Variants in DGLUCY observed in about 807,000 individuals in gnomAD.
DGLUCY encodes the protein D-glutamate cyclase, also known as D-glutamate cyclase, mitochondrial.
A neutral mutation model predicts 58.5 loss-of-function variants in DGLUCY; 58 were observed. The observed-to-expected ratio is 0.99, with a 90% confidence interval of 0.80 to 1.23. DGLUCY has a LOEUF of 1.23. Ranked by LOEUF, DGLUCY falls within the 50% of genes most tolerant of loss-of-function variation. DGLUCY has a pLI of 0.00. For missense variants in DGLUCY, 779 were observed against 784.7 expected, an observed-to-expected ratio of 0.99 and a Z score of 0.09; for synonymous variants, 325 against 314.1, an observed-to-expected ratio of 1.03 and a Z score of -0.37.
In DGLUCY at chr14:91,224,876, G is replaced by A. The variant is rs1297132907; in HGVS notation, c.*43G>A. The A allele has an allele frequency of 2.6e-6, 4 of 1,540,270 alleles. No individual in the cohort carries two copies. Among genetic ancestry groups the A allele is most frequent in the Non-Finnish European group, 3.5e-6 (4 of 1,133,132 alleles). ...GAGCAGAGTCCCTACCAACGGGCAG[G>A]TCTGCATCCGGGGAGAATGCAGCTG... On this transcript the variant is annotated 3_prime_UTR_variant, in exon 14 of 14. Coordinates refer to ENST00000256324, the MANE Select transcript of DGLUCY (RefSeq NM_001102368.3).
chr14:91,204,714 G>A lies in DGLUCY; in HGVS notation c.1453G>A (p.Asp485Asn). 6.2e-7 allele frequency: 1 copy of A among 1,614,000 alleles called. No individual in the cohort carries two copies. The highest frequency in any genetic ancestry group is 8.5e-7 in the Non-Finnish European group (1 of 1,179,942). ...IPGISSTGVG[D>N]GGNELGMGKV... ...GCTCCCCTTCCCTTCAGGAGTCGGT[G>A]ATGGAGGCAACGAGCTTGGGATGGG... Residue 485 changes from aspartate (D) to asparagine (N), a missense_variant, in exon 12 of 14, where the codon GAT (aspartate) becomes AAT (asparagine). Physicochemically the swap from Asp to Asn is conservative, Grantham distance 23 (BLOSUM62 1). Coordinates refer to ENST00000256324, the MANE Select transcript of DGLUCY (RefSeq NM_001102368.3).
rs866071724 is a variant in DGLUCY, at chr14:91,108,532, A to T, written c.-82+471A>T. Among the ~76,000 whole-genome samples, 929 of 110,018 alleles carry T rather than the reference A, an allele frequency of 8.4e-3. 3 individuals are homozygous for T. The highest frequency in any genetic ancestry group is 0.029 in the African/African-American group (583 of 20,340). The allele number at this position is 110,018 out of a possible 152,430, so 72.2% of individuals were successfully genotyped here. ...GTGTGTGTGTGTGTGTGTGTGAGAG[A>T]GAGAGAGAGAGAGAGAGAGAGAGAG... On this transcript the variant is annotated intron_variant, in intron 1 of 4. Transcript: ENST00000518871.
At chr14:91,102,186 A>C (rs1297538834) in intron 1 of DGLUCY, among the ~76,000 whole-genome samples, 1 of 152,232 alleles carries the variant, frequency 6.6e-6, no homozygotes, top group African/African-American at 2.4e-5. Flanking sequence ...AAAATATTAA[A>C]TAAGTGAATA....
At chr14:91,196,807 G>C (rs190246990) in intron 10 of DGLUCY, among the ~76,000 whole-genome samples, 5 of 149,252 alleles carry the variant, frequency 3.4e-5, no homozygotes, top group African/African-American at 1.2e-4. Context: ...ACATGTTAGA[G>C]AATAGTGAAA....
chr14:91,137,062 T>C (rs1227167236), intron 1 of DGLUCY, among the ~76,000 whole-genome samples: 1 of 151,784 alleles, frequency 6.6e-6, no homozygotes, highest in African/African-American at 2.4e-5. Context: ...AGAAATATGG[T>C]TGGACAGAAG....
upstream of DGLUCY, among the ~76,000 whole-genome samples, chr14:91,107,279 C>A (rs1014334039): frequency 3.3e-5 from 5 of 151,842 alleles, no homozygotes; most frequent in Non-Finnish European, 5.9e-5. Context: ...GGCACTTTGG[C>A]AAGCTGAGGC....
At chr14:91,151,547 A>AT (rs1397261436) in intron 1 of DGLUCY, among the ~76,000 whole-genome samples, 2 of 148,182 alleles carry the variant, frequency 1.3e-5, no homozygotes, top group East Asian at 2.1e-4. Flanking sequence ...TGCCTGGCCT[A>AT]TTTTTTTTAT....
intron 1 of DGLUCY, among the ~76,000 whole-genome samples, chr14:91,078,428 T>C (rs1000049388): frequency 6.6e-6 from 1 of 152,200 alleles, no homozygotes; most frequent in African/African-American, 2.4e-5. Flanking sequence ...TGAAAACTTG[T>C]GGTTTTAGAA....
At chr14:91,096,252 A>G (rs2044393155) in intron 1 of DGLUCY, among the ~76,000 whole-genome samples, 1 of 152,122 alleles carries the variant, frequency 6.6e-6, no homozygotes, top group African/African-American at 2.4e-5. Flanking sequence ...CGTTTCTACT[A>G]AAAATACAAA....
chr14:91,175,824 T>C, intron 6 of DGLUCY, 110 bp from the exon 7 acceptor site: 1 of 1,284,214 alleles, frequency 7.8e-7, no homozygotes, highest in Non-Finnish European at 1.1e-6. Context: ...CCATTTACAA[T>C]AATCCTGCAA....
rs529209942 is a variant in DGLUCY, at chr14:91,076,185, T to C, written c.-82+15481T>C. Among the ~76,000 whole-genome samples the C allele has an allele frequency of 1.5e-3, 221 of 151,610 alleles. 1 individual carries two copies. The highest frequency in any genetic ancestry group is 2.5e-3 in the Non-Finnish European group (172 of 67,932). On this transcript the variant is annotated intron_variant, in intron 1 of 4. Coordinates refer to the DGLUCY transcript ENST00000521334. ...ATAGCTAGGTAAGAGAAGACAGACA[T>C]AGAAACAAGTACAGTCTCCCTCAGT...
intron 1 of DGLUCY, among the ~76,000 whole-genome samples, chr14:91,136,730 A>G (rs1477022825): frequency 6.6e-6 from 1 of 152,028 alleles, no homozygotes; most frequent in Non-Finnish European, 1.5e-5. Context: ...GCACTTTGGG[A>G]GGCTGAGGCA....
intron 8 of DGLUCY, 36 bp downstream of exon 8, chr14:91,181,425 G>A: frequency 3.8e-6 from 6 of 1,584,916 alleles, no homozygotes; most frequent in Non-Finnish European, 5.2e-6. Flanking sequence ...ATAGACCCAG[G>A]TAAGAAACAA....
chr14:91,218,177 G>A (rs1442556466), intron 13 of DGLUCY, among the ~76,000 whole-genome samples: 1 of 152,182 alleles, frequency 6.6e-6, no homozygotes, highest in Non-Finnish European at 1.5e-5. Context: ...GAGGGGCCCA[G>A]AGGGCCTTTT....
intron 1 of DGLUCY, among the ~76,000 whole-genome samples, chr14:91,135,505 C>T (rs144758364): frequency 1.8e-4 from 27 of 152,078 alleles, no homozygotes; most frequent in Non-Finnish European, 2.8e-4. Context: ...CAAAAATTAG[C>T]CAGGCATGGT....
At chr14:91,071,066 C>T (rs958573354) in intron 1 of DGLUCY, among the ~76,000 whole-genome samples, 2 of 151,998 alleles carry the variant, frequency 1.3e-5, no homozygotes, top group African/African-American at 4.8e-5. Context: ...GGTGTGGTGG[C>T]TCACACCTAT....
chr14:91,149,095 A>G (rs1007567198), intron 1 of DGLUCY, among the ~76,000 whole-genome samples: 1 of 152,004 alleles, frequency 6.6e-6, no homozygotes, highest in Non-Finnish European at 1.5e-5. Context: ...TAAAAATACA[A>G]AATTAGCCAG....
rs114141484 is a variant in DGLUCY at position 91,184,871 on chromosome 14, A to G, written c.934+3482A>G. ...TGGTTTCCTTTACATATAATCCTAT[A>G]GTAAATTAAGGATATAAACCCACCA... On this transcript the variant is annotated intron_variant, in intron 8 of 13. Coordinates refer to ENST00000256324, the MANE Select transcript of DGLUCY (RefSeq NM_001102368.3). Among the ~76,000 whole-genome samples, 869 of 152,238 alleles carry G rather than the reference A, an allele frequency of 5.7e-3. 10 individuals are homozygous for G. The highest frequency in any genetic ancestry group is 0.02 in the African/African-American group (834 of 41,526).
intron 1 of DGLUCY, among the ~76,000 whole-genome samples, chr14:91,150,707 T>G (rs2047281874): frequency 6.6e-6 from 1 of 152,208 alleles, no homozygotes; most frequent in Admixed American, 6.5e-5. Flanking sequence ...ATTCCAGGCA[T>G]GAGCCACCAC....
Sources: gnomAD v4.1 joint callset for allele counts (sites outside exome capture counted in the v4.1 genomes callset) on GRCh38, gnomAD v4.1.1 for gene constraint, MANE v1.5 for transcripts, NCBI Gene and HGNC (gene_info 2026-07-23, HGNC 2026-07-21) for gene names.